The following IWS1 variants were observed in gnomAD, a reference collection of about 807,000 sequenced individuals.
IWS1 encodes the protein interacts with SUPT6H, CTD assembly factor 1.
Under a neutral mutation model 86.7 loss-of-function variants are expected in IWS1, and 27 were observed. That is an observed-to-expected ratio of 0.31 (90% CI 0.23 to 0.43). The LOEUF (loss-of-function observed/expected upper bound fraction) is 0.43, where lower values mean the gene tolerates loss of function less well. Ranked by LOEUF, IWS1 falls within the 20% of genes least tolerant of loss-of-function variation. IWS1 has a pLI of 1.00. For missense variants in IWS1, 827 were observed against 1,000.8 expected, an observed-to-expected ratio of 0.83 and a Z score of 2.34; for synonymous variants, 313 against 335.1, an observed-to-expected ratio of 0.93 and a Z score of 0.72.
chr2:127,507,578 A>T lies in IWS1; in HGVS notation c.151-1826T>A, dbSNP rs1048591931. ...TTGAGAGATATCATAGAATCTTACA[A>T]TTACCGTACAATAGTCTGTATGTTG... On this transcript the variant is annotated intron_variant, in intron 2 of 13. Coordinates refer to ENST00000295321, the MANE Select transcript of IWS1 (RefSeq NM_017969.3). 3.9e-5 allele frequency among the ~76,000 whole-genome samples: 6 copies of T among 152,356 alleles called. No individual in the cohort carries two copies. In the East Asian group the frequency reaches 7.7e-4, roughly 20 times the overall value.
chr2:127,501,718 TC>T (rs1690824854), intron 5 of IWS1: 1 of 83,744 alleles, frequency 1.2e-5, no homozygotes. Context: ...CCCCACCCCC[TC>T]CCACCCCATT....
intron 13 of IWS1, 38 bp from the exon 14 acceptor site, chr2:127,481,213 A>C (rs200512921): frequency 8.3e-6 from 13 of 1,569,514 alleles, no homozygotes; most frequent in Non-Finnish European, 8.6e-7. Flanking sequence ...AAACTACTGA[A>C]ATACGTAAGT....
chr2:127,483,600 T>TGGG (rs1558736829), intron 13 of IWS1, among the ~76,000 whole-genome samples: 10 of 5,878 alleles, frequency 1.7e-3, no homozygotes, highest in Non-Finnish European at 2.9e-3. Context: ...GTGGGGGGGT[T>TGGG]GGGCTGTGTG....
At chr2:127,482,683 G>A (rs1264221541) in intron 13 of IWS1, 2 of 152,156 alleles carry the variant, frequency 1.3e-5, no homozygotes, top group Non-Finnish European at 2.9e-5. Context: ...GATCTGTCTA[G>A]CCTCAGCAAT....
intron 10 of IWS1, among the ~76,000 whole-genome samples, chr2:127,490,272 G>T (rs1360761873): frequency 6.6e-6 from 1 of 152,064 alleles, no homozygotes; most frequent in African/African-American, 2.4e-5. Context: ...ATTTTAAAAG[G>T]CAGACTAATT....
chr2:127,526,433 G>C lies in IWS1; in HGVS notation c.-225C>G, dbSNP rs1247241049. 2.0e-6 allele frequency: 3 copies of C among 1,535,662 alleles called. No individual in the cohort carries two copies. Among genetic ancestry groups the C allele is most frequent in the East Asian group, 2.5e-5 (1 of 40,730 alleles). On this transcript the variant is annotated 5_prime_UTR_variant, in exon 1 of 14. Transcript: ENST00000295321. ...TACCCGGCAGGCTGGCGGGCGGGCA[G>C]GCATGCGAGCCGGCGTTCTACTTCC...
chr2:127,498,326 C>T (rs950996036), intron 5 of IWS1, 89 bp from the exon 6 acceptor site: 19 of 1,271,748 alleles, frequency 1.5e-5, no homozygotes, highest in Non-Finnish European at 2.0e-5. Context: ...AATTCATTCA[C>T]AAAGAACAAA....
rs1192177107 is a variant in IWS1 at position 127,499,763 on chromosome 2, C to A, written c.1468-1526G>T. On this transcript the variant is annotated intron_variant, in intron 5 of 13. Coordinates refer to ENST00000295321, the MANE Select transcript of IWS1 (RefSeq NM_017969.3). This position sits in a 1 kb window ranked among gnomAD's most constrained non-coding sequence, Gnocchi z 4.0. ...AAATAAGTATTGTTTTTTTTTTGACCCAAGAACTATTTAAGCAGGGTTTAA... is the reference window on the plus strand; with the variant it reads ...AAATAAGTATTGTTTTTTTTTTGACACAAGAACTATTTAAGCAGGGTTTAA... Among the ~76,000 whole-genome samples the A allele has an allele frequency of 4.6e-5, 7 of 150,748 alleles. No individual in the cohort carries two copies. The highest frequency in any genetic ancestry group is 7.4e-5 in the Non-Finnish European group (5 of 67,742).
chr2:127,506,039 T>C (rs892579564), intron 2 of IWS1, among the ~76,000 whole-genome samples: 3 of 152,210 alleles, frequency 2.0e-5, no homozygotes, highest in Non-Finnish European at 4.4e-5. Flanking sequence ...AGCTAGATTT[T>C]TTCTTTTTTA....
chr2:127,525,805 G>A (rs1262089289), intron 1 of IWS1, among the ~76,000 whole-genome samples: 1 of 152,308 alleles, frequency 6.6e-6, no homozygotes, highest in Admixed American at 6.5e-5. Context: ...AACTAGCAGT[G>A]AAAAGTCTAG....
intron 5 of IWS1, among the ~76,000 whole-genome samples, chr2:127,500,846 CCCT>C (rs1249257609): frequency 2.6e-5 from 4 of 152,100 alleles, no homozygotes; most frequent in Non-Finnish European, 4.4e-5. Context: ...CACTTTCCCC[CCCT>C]ATTAGTTTAG....
chr2:127,492,158 A>C lies in IWS1; in HGVS notation c.1930-70T>G. 5.5e-6 allele frequency: 5 copies of C among 917,044 alleles called. No homozygotes were observed. The South Asian group carries it at 6.7e-5, about 12-fold the overall frequency. The allele number at this position is 917,044 out of a possible 1,614,324, so 56.8% of individuals were successfully genotyped here. On this transcript the variant is annotated intron_variant, in intron 9 of 13. Transcript: ENST00000295321. The stretch of plus-strand genomic sequence containing the variant: ...TGGGGGTCTTGCTAGTCTATTCTAG[A>C]GACCTGGCACATTCACAACAGAACA...
chr2:127,483,591 T>TGGGGGGGTTGGGGGGG (rs1689762800), intron 13 of IWS1, among the ~76,000 whole-genome samples: 1 of 17,520 alleles, frequency 5.7e-5, no homozygotes. Context: ...GGTGGTGGGG[T>TGGGGGGGTTGGGGGGG]GGGGGGGTTG....
Position 127,498,162 on chromosome 2 carries a change from C to T in IWS1, c.1543G>A (p.Asp515Asn). The change falls in exon 6 of 14, where the codon GAT becomes AAT. Residue 515 changes from aspartate to asparagine, a missense_variant. Coordinates refer to ENST00000295321, the MANE Select transcript of IWS1 (RefSeq NM_017969.3). ...TACTGTTTTCCTCTCTTTATGTTAT[C>T]ATCAGAATCTGAATCTTCTGCTTCT... ...VKEAEDSDSD[D>N]NIKRGKHMDF... The T allele has an allele frequency of 6.3e-7, 1 of 1,585,690 alleles. No homozygotes were observed. Among genetic ancestry groups the T allele is most frequent in the Non-Finnish European group, 8.7e-7 (1 of 1,154,606 alleles).
Position 127,503,543 on chromosome 2 carries a change from T to C in IWS1, c.1253A>G (p.Asp418Gly), listed in dbSNP as rs371954871. The change falls in exon 4 of 14, where the codon GAT becomes GGT. Residue 418 changes from aspartate to glycine, a missense_variant. This residue lies in a region of IWS1 where 548 missense variants were observed against 560.2 expected (regional missense o/e 0.98). Transcript: ENST00000295321. ...TGATACAGCATCACTGTCAGAGTCA[T>C]CTGCATCAGAGACAACACGACTCTT... ...AKKSRVVSDA[D>G]DSDSDAVSDK... 13 of 1,610,546 alleles carry C rather than the reference T, an allele frequency of 8.1e-6. No homozygotes were observed. The highest frequency in any genetic ancestry group is 2.7e-5 in the African/African-American group (2 of 74,832).
chr2:127,504,537 G>A (rs1436884170), intron 3 of IWS1, 147 bp downstream of exon 3: 1 of 648,270 alleles, frequency 1.5e-6, no homozygotes, highest in East Asian at 2.7e-5. Flanking sequence ...TGATAACCAG[G>A]GGAAATGAGT....
Position 127,503,539 on chromosome 2 carries a change from G to A in IWS1, c.1257C>T (p.Asp419=). ...TGTCTGATACAGCATCACTGTCAGA[G>A]TCATCTGCATCAGAGACAACACGAC... ...KKSRVVSDAD[D]SDSDAVSDKS... is the part of the protein sequence containing the mutation. Residue 419 remains aspartate, a synonymous_variant, in exon 4 of 14, where the codon GAC becomes GAT. Coordinates refer to ENST00000295321, the MANE Select transcript of IWS1 (RefSeq NM_017969.3). The A allele has an allele frequency of 1.2e-6, 2 of 1,611,738 alleles. No homozygotes were observed. Among genetic ancestry groups the A allele is most frequent in the Non-Finnish European group, 8.5e-7 (1 of 1,178,844 alleles).
intron 13 of IWS1, among the ~76,000 whole-genome samples, chr2:127,485,297 AAC>A (rs144974354): frequency 6.6e-6 from 1 of 152,132 alleles, no homozygotes; most frequent in Non-Finnish European, 1.5e-5. Context: ...ATAGGCAGGC[AAC>A]ACACACACAC....
chr2:127,526,306 G>C lies in IWS1; in HGVS notation c.-98C>G. On this transcript the variant is annotated 5_prime_UTR_variant, in exon 1 of 14. Coordinates refer to ENST00000295321, the MANE Select transcript of IWS1 (RefSeq NM_017969.3). ...CCCGGATGGCGCGGCTAAGTGTTCAGAGACTGCCGCCCGACCGGAGAACTT... is the reference window on the plus strand; with the variant it reads ...CCCGGATGGCGCGGCTAAGTGTTCACAGACTGCCGCCCGACCGGAGAACTT... The C allele has an allele frequency of 6.5e-7, 1 of 1,541,908 alleles. No homozygotes were observed. Among genetic ancestry groups the C allele is most frequent in the Non-Finnish European group, 8.7e-7 (1 of 1,146,810 alleles).
Sources: allele counts gnomAD v4.1 joint callset (sites outside exome capture counted in the v4.1 genomes callset), GRCh38; gene constraint gnomAD v4.1.1; regional missense constraint gnomAD v4.1.1; non-coding constraint Gnocchi (gnomAD v3.1); transcripts MANE v1.5; gene names NCBI Gene and HGNC (gene_info 2026-07-23, HGNC 2026-07-21).